The following BABAM2 variants were observed in gnomAD, a reference collection of about 807,000 sequenced individuals.
BABAM2 encodes BRISC and BRCA1 A complex member 2.
Under a neutral mutation model 54.7 loss-of-function variants are expected in BABAM2, and 31 were observed. The observed-to-expected ratio is 0.57, with a 90% CI of 0.43 to 0.77. BABAM2 has a LOEUF of 0.77. Among genes scored for constraint, BABAM2 ranks in the 30% least tolerant of loss-of-function variants. The pLI is 0.00. For missense variants in BABAM2, 364 were observed against 455.8 expected, an observed-to-expected ratio of 0.80 and a Z score of 1.83; for synonymous variants, 167 against 162.9, an observed-to-expected ratio of 1.03 and a Z score of -0.19.
chr2:28,025,762 C>A (rs1675609010), intron 5 of BABAM2, among the ~76,000 whole-genome samples: 1 of 152,166 alleles, frequency 6.6e-6, no homozygotes, highest in African/African-American at 2.4e-5. Flanking sequence ...TAACAAGTTT[C>A]CCCCTCCTTT....
At chr2:28,188,210 C>A (rs1391810714) in intron 7 of BABAM2, among the ~76,000 whole-genome samples, 32 of 152,154 alleles carry the variant, frequency 2.1e-4, no homozygotes, top group Non-Finnish European at 1.5e-5. Context: ...GCATGTATCA[C>A]CTTCTCCATT....
rs1665000314 is a variant in BABAM2 at position 27,893,089 on chromosome 2, A to G, written c.-24-1444A>G. On this transcript the variant is annotated intron_variant, in intron 1 of 11. Transcript: ENST00000379624. ...AGTTTTCATGTGGTATAATGTATGA[A>G]AACTAGAACCAGAGCATCATTTACT... Among the ~76,000 whole-genome samples the G allele has an allele frequency of 7.2e-5, 11 of 152,216 alleles. No homozygotes were observed. The South Asian group carries it at 2.3e-3, about 31-fold the overall frequency.
chr2:28,213,946 T>TTA (rs1553341652), intron 7 of BABAM2, among the ~76,000 whole-genome samples: 5 of 146,600 alleles, frequency 3.4e-5, no homozygotes, highest in Non-Finnish European at 6.0e-5. Context: ...TAACTTGCTT[T>TTA]AAAAAAAAAA....
Position 27,894,565 on chromosome 2 carries a change from A to G in BABAM2, c.9A>G (p.Pro3=). The G allele has an allele frequency of 6.2e-7, 1 of 1,614,114 alleles. No homozygotes were observed. Among genetic ancestry groups the G allele is most frequent in the African/African-American group, 1.3e-5 (1 of 75,062 alleles). Residue 3 remains proline (P), a synonymous_variant, in exon 2 of 12, where the codon CCA becomes CCG. Transcript: ENST00000379624. MS[P]EVALNRISPM... is the part of the protein sequence containing the mutation. ...TTACAAGTCAAGTTAAAATGTCCCC[A>G]GAAGTGGCCTTGAACCGAATATCTC...
chr2:28,116,265 C>T (rs755330318), intron 6 of BABAM2, among the ~76,000 whole-genome samples: 1 of 152,176 alleles, frequency 6.6e-6, no homozygotes, highest in Non-Finnish European at 1.5e-5. Flanking sequence ...TTCCCATAGA[C>T]AGTTCCAGAG....
intron 7 of BABAM2, among the ~76,000 whole-genome samples, chr2:28,160,996 G>A (rs572938240): frequency 6.6e-6 from 1 of 152,228 alleles, no homozygotes; most frequent in East Asian, 1.9e-4. Flanking sequence ...CATGAGGCGA[G>A]GTTCTCTGTG....
At chr2:28,186,472 C>T (rs1676290407) in intron 7 of BABAM2, among the ~76,000 whole-genome samples, 2 of 151,938 alleles carry the variant, frequency 1.3e-5, no homozygotes, top group Non-Finnish European at 2.9e-5. Context: ...ATGAGAAGTA[C>T]ATTCTAAAGA....
rs138171255 is a variant in BABAM2, at chr2:28,076,307, C to T, written c.570+30508C>T. On this transcript the variant is annotated intron_variant, in intron 6 of 11. Coordinates refer to ENST00000379624, the MANE Select transcript of BABAM2 (RefSeq NM_199191.3). The stretch of plus-strand genomic sequence containing the variant: ...AAGAAAAGAAAAGAAAATCTCATCC[C>T]TGTTTTTAAATGAAATTTTAGATAA... 2.5e-3 allele frequency among the ~76,000 whole-genome samples: 384 copies of T among 151,822 alleles called. 4 individuals are homozygous for T. The highest frequency in any genetic ancestry group is 9.0e-3 in the African/African-American group (371 of 41,416).
intron 5 of BABAM2, among the ~76,000 whole-genome samples, chr2:28,026,813 A>T (rs1447463817): frequency 2.1e-5 from 2 of 94,708 alleles, no homozygotes; most frequent in South Asian, 2.7e-4. Context: ...AAAATATATA[A>T]ATATATATTT....
chr2:27,998,231 C>T (rs1673314274), intron 4 of BABAM2, among the ~76,000 whole-genome samples: 1 of 152,056 alleles, frequency 6.6e-6, no homozygotes, highest in Non-Finnish European at 1.5e-5. Flanking sequence ...GGTCGTCTCT[C>T]GTCATCCATC....
chr2:28,233,314 T>A (rs775463634), intron 7 of BABAM2: 2 of 470,000 alleles, frequency 4.3e-6, no homozygotes, highest in African/African-American at 4.0e-5. Flanking sequence ...AGCCCTGCAG[T>A]CCCGGGAATG....
Position 28,039,141 on chromosome 2 carries a change from G to A in BABAM2, c.496-6584G>A, listed in dbSNP as rs192045662. On this transcript the variant is annotated intron_variant, in intron 5 of 11. Transcript: ENST00000379624. ...CTCTTTTACTCACTAGATGCCTAGC[G>A]GAGTGCCTGACACATTTTAGGCCCT... Among the ~76,000 whole-genome samples, 319 of 152,232 alleles carry A rather than the reference G, an allele frequency of 2.1e-3. 1 individual carries two copies. The highest frequency in any genetic ancestry group is 7.2e-3 in the African/African-American group (301 of 41,534).
At chr2:27,938,313 A>G (rs571841211) in intron 3 of BABAM2, among the ~76,000 whole-genome samples, 24 of 152,334 alleles carry the variant, frequency 1.6e-4, no homozygotes, top group African/African-American at 5.8e-4. Flanking sequence ...TAGTATTCTA[A>G]TACAAACACA....
At chr2:28,070,644 G>T (rs948427653) in intron 6 of BABAM2, among the ~76,000 whole-genome samples, 2 of 151,264 alleles carry the variant, frequency 1.3e-5, no homozygotes, top group African/African-American at 4.9e-5. Flanking sequence ...CCGCCTCCCG[G>T]GTTCACGCCA....
In BABAM2 at chr2:28,090,132, C is replaced by T. The variant is rs888773805; in HGVS notation, c.571-39139C>T. Among the ~76,000 whole-genome samples the T allele has an allele frequency of 7.9e-4, 120 of 152,170 alleles. 3 individuals carry two copies. Among genetic ancestry groups the T allele is most frequent in the Non-Finnish European group, 8.8e-5 (6 of 68,036 alleles). ...TTAACAGGTATTATGCTTTTAACTTCTTAACTCCTAGTACATGAGTAAAAG... is the reference window on the plus strand; with the variant it reads ...TTAACAGGTATTATGCTTTTAACTTTTTAACTCCTAGTACATGAGTAAAAG... On this transcript the variant is annotated intron_variant, in intron 6 of 11. Coordinates refer to ENST00000379624, the MANE Select transcript of BABAM2 (RefSeq NM_199191.3).
intron 5 of BABAM2, among the ~76,000 whole-genome samples, chr2:28,039,699 C>G (rs539943151): frequency 1.3e-5 from 2 of 152,332 alleles, no homozygotes; most frequent in South Asian, 4.1e-4. Context: ...CCTGTCACTT[C>G]TAAAAGGAGA....
At chr2:28,248,401 G>GTT (rs1243885958) in intron 10 of BABAM2, among the ~76,000 whole-genome samples, 1 of 151,528 alleles carries the variant, frequency 6.6e-6, no homozygotes, top group African/African-American at 2.4e-5. Context: ...TAGAAACGGA[G>GTT]TTTCTCCGTG....
chr2:27,959,394 AAG>A (rs1415501500), intron 3 of BABAM2, among the ~76,000 whole-genome samples: 6 of 152,230 alleles, frequency 3.9e-5, no homozygotes, highest in African/African-American at 1.4e-4. Flanking sequence ...TACTGGATAA[AAG>A]AACAGTAGTT....
At chr2:28,111,752 C>T (rs543223046) in intron 6 of BABAM2, among the ~76,000 whole-genome samples, 1 of 152,282 alleles carries the variant, frequency 6.6e-6, no homozygotes, top group Admixed American at 6.5e-5. Flanking sequence ...TACAAATAAC[C>T]TAGGAATTTG....
Sources: gnomAD v4.1 joint callset for allele counts (sites outside exome capture counted in the v4.1 genomes callset) on GRCh38, gnomAD v4.1.1 for gene constraint, MANE v1.5 for transcripts, NCBI Gene and HGNC (gene_info 2026-07-23, HGNC 2026-07-21) for gene names.